TSPAN2: variants seen among roughly 807,000 people sequenced by gnomAD.
TSPAN2 encodes tetraspanin 2, also known as tetraspanin-2.
A neutral mutation model predicts 33.3 loss-of-function variants in TSPAN2; 24 were observed. The observed-to-expected ratio is 0.72, with a 90% CI of 0.52 to 1.01. The LOEUF is 1.01. Ranked by LOEUF, TSPAN2 falls within the 50% of genes least tolerant of loss-of-function variation. The probability of loss-of-function intolerance (pLI) is 0.00; values close to 1 mark genes in which losing one functional copy is unlikely to be tolerated. For missense variants in TSPAN2, 278 were observed against 281.3 expected, an observed-to-expected ratio of 0.99 and a Z score of 0.08; for synonymous variants, 114 against 104.5, an observed-to-expected ratio of 1.09 and a Z score of -0.56.
At chr1:115,089,257 C>G (rs961211592) in intron 1 of TSPAN2, 107 bp downstream of exon 1, 1 of 973,436 alleles carries the variant, frequency 1.0e-6, no homozygotes, top group Middle Eastern at 3.0e-4. Flanking sequence ...ACCCAGCCCT[C>G]CCCACGAGCG....
At chr1:115,082,302 G>A (rs776880593) in intron 1 of TSPAN2, among the ~76,000 whole-genome samples, 1 of 152,206 alleles carries the variant, frequency 6.6e-6, no homozygotes, top group Non-Finnish European at 1.5e-5. Context: ...CTTCCTCTCC[G>A]ATAGTCTGTA....
In TSPAN2 at chr1:115,050,043, C is replaced by A. The variant is rs1246585529; in HGVS notation, c.*447G>T. 1 of 226,270 alleles carries A rather than the reference C, an allele frequency of 4.4e-6. No homozygotes were observed. The highest frequency in any genetic ancestry group is 8.8e-6 in the Non-Finnish European group (1 of 114,268). 14.0% of individuals were successfully genotyped at this position (226,270 alleles called of 1,614,324 possible). A position where few individuals can be genotyped will look rare whatever the true frequency, so the allele number is the denominator to read the frequency against. ...ATCTCTCAATTCTTACAGCTTATTA[C>A]TTCCATTAAGAAGAAATCTCTGAAT... On this transcript the variant is annotated 3_prime_UTR_variant, in exon 8 of 8. Coordinates refer to ENST00000369516, the MANE Select transcript of TSPAN2 (RefSeq NM_005725.6).
At chr1:115,060,053 T>G (rs1482559052) in intron 4 of TSPAN2, among the ~76,000 whole-genome samples, 1 of 152,140 alleles carries the variant, frequency 6.6e-6, no homozygotes, top group Non-Finnish European at 1.5e-5. Context: ...CAGTGTAGGC[T>G]CTGCTCTTTG....
chr1:115,050,297 G>A lies in TSPAN2; in HGVS notation c.*193C>T. On this transcript the variant is annotated 3_prime_UTR_variant, in exon 8 of 8. Transcript: ENST00000369516. ...CAGATCACACATGAATATGCTCTCA[G>A]TCATCATAAACAGGCATTCACTCAA... 1 of 632,362 alleles carries A rather than the reference G, an allele frequency of 1.6e-6. No individual in the cohort carries two copies. Among genetic ancestry groups the A allele is most frequent in the Non-Finnish European group, 2.8e-6 (1 of 355,486 alleles). 39.2% of individuals were successfully genotyped at this position (632,362 alleles called of 1,614,324 possible). A position where few individuals can be genotyped will look rare whatever the true frequency, so the allele number is the denominator to read the frequency against.
rs749902293 is a variant in TSPAN2, at chr1:115,057,567, A to G, written c.486T>C (p.Pro162=). The G allele has an allele frequency of 1.2e-6, 2 of 1,614,018 alleles. No homozygotes were observed. The highest frequency in any genetic ancestry group is 1.1e-5 in the South Asian group (1 of 91,080). The change falls in exon 6 of 8, where the codon CCT becomes CCC. Residue 162 remains proline (P), a synonymous_variant. Coordinates refer to ENST00000369516, the MANE Select transcript of TSPAN2 (RefSeq NM_005725.6). ...GTCCTAGAAGCTCCTTTGGGCATGT[A>G]GGTTGGACCTGTTCGGAGCTTTCTT... The part of the protein sequence containing the change: ...CGKESSEQVQ[P]TCPKELLGHK...
At chr1:115,084,909 A>G (rs1648774550) in intron 1 of TSPAN2, among the ~76,000 whole-genome samples, 3 of 152,344 alleles carry the variant, frequency 2.0e-5, no homozygotes, top group Admixed American at 1.3e-4. Context: ...GGGCAACTTC[A>G]GACTTGCCAT....
intron 6 of TSPAN2, 123 bp downstream of exon 6, chr1:115,057,414 T>G: frequency 1.1e-6 from 1 of 917,726 alleles, no homozygotes; most frequent in Non-Finnish European, 1.8e-6. Context: ...CCATCAATCC[T>G]CTATGCTGCC....
At position 115,061,309 on chromosome 1, in the gene TSPAN2, C is replaced by G. The variant is rs561535439; in HGVS notation, c.271-771G>C. On this transcript the variant is annotated intron_variant, in intron 3 of 7. Transcript: ENST00000369516. Reference sequence around the variant, plus strand: ...GTGGAGAAATATCAACACTTTCTCTCCTCCTGCCCCTCTTCTTCCTTTCTG... The same window carrying G: ...GTGGAGAAATATCAACACTTTCTCTGCTCCTGCCCCTCTTCTTCCTTTCTG... Among the ~76,000 whole-genome samples, 365 of 152,360 alleles carry G rather than the reference C, an allele frequency of 2.4e-3. 4 individuals are homozygous for G. The highest frequency in any genetic ancestry group is 8.1e-3 in the African/African-American group (337 of 41,580).
At chr1:115,060,043 C>T (rs1430710362) in intron 4 of TSPAN2, among the ~76,000 whole-genome samples, 1 of 152,172 alleles carries the variant, frequency 6.6e-6, no homozygotes, top group Non-Finnish European at 1.5e-5. Context: ...TAGCCCACAG[C>T]AGTGTAGGCT....
intron 1 of TSPAN2, among the ~76,000 whole-genome samples, chr1:115,083,217 G>A (rs1274205219): frequency 6.6e-6 from 1 of 152,138 alleles, no homozygotes; most frequent in Non-Finnish European, 1.5e-5. Flanking sequence ...GAGCAGCTTC[G>A]CGATATTAAC....
In TSPAN2 at chr1:115,050,178, TGGGAGCG is replaced by T; in HGVS notation, c.*305_*311del. 1 of 283,284 alleles carries T rather than the reference TGGGAGCG, an allele frequency of 3.5e-6. No individual in the cohort carries two copies. The allele number at this position is 283,284 out of a possible 1,614,324, so 17.5% of individuals were successfully genotyped here. ...TGAAAGCTCTTTGATCTTTTTTTTC[TGGGAGCG>T]AAATAGGTTGTTCTTCTTATATAAC... On this transcript the variant is annotated 3_prime_UTR_variant, in exon 8 of 8. Transcript: ENST00000369516.
At chr1:115,060,870 C>T (rs1647690200) in intron 3 of TSPAN2, among the ~76,000 whole-genome samples, 1 of 152,130 alleles carries the variant, frequency 6.6e-6, no homozygotes, top group Non-Finnish European at 1.5e-5. Flanking sequence ...CCTAGAACAC[C>T]ACCTGGCACC....
intron 1 of TSPAN2, among the ~76,000 whole-genome samples, chr1:115,084,112 C>T (rs1307067199): frequency 6.6e-6 from 1 of 152,208 alleles, no homozygotes; most frequent in African/African-American, 2.4e-5. Flanking sequence ...TTTGTTGTGA[C>T]TTTATGAACC....
intron 3 of TSPAN2, 143 bp downstream of exon 3, chr1:115,061,992 A>G (rs1647744510): frequency 1.5e-6 from 1 of 679,416 alleles, no homozygotes; most frequent in Non-Finnish European, 2.5e-6. Context: ...TGGAGAAACC[A>G]AGACTGAGGG....
In TSPAN2 at chr1:115,072,933, C is replaced by G; in HGVS notation, c.144G>C (p.Glu48Asp). 1 of 1,614,170 alleles carries G rather than the reference C, an allele frequency of 6.2e-7. No homozygotes were observed. The highest frequency in any genetic ancestry group is 8.5e-7 in the Non-Finnish European group (1 of 1,180,014). ...FGGAIKELSSEDKSPEYFYVG... is the reference protein window; with the variant it reads ...FGGAIKELSSDDKSPEYFYVG... ...CATAGAAATACTCTGGGGACTTGTC[C>G]TCTGATGATAACTCCTTTATGGCAC... Residue 48 changes from glutamate (E) to aspartate (D), a missense_variant, in exon 2 of 8, where the codon GAG (glutamate) becomes GAC (aspartate). Glu to Asp is a conservative substitution (Grantham distance 45, BLOSUM62 2). Transcript: ENST00000369516.
At chr1:115,053,500 T>G in intron 6 of TSPAN2, 38 bp from the exon 7 acceptor site, 2 of 1,538,670 alleles carry the variant, frequency 1.3e-6, no homozygotes, top group Admixed American at 1.7e-5. Flanking sequence ...AAAAACTGAT[T>G]GTATGTGTCA....
intron 6 of TSPAN2, among the ~76,000 whole-genome samples, chr1:115,054,379 G>A (rs529914325): frequency 9.7e-4 from 148 of 152,266 alleles, no homozygotes; most frequent in Non-Finnish European, 1.7e-3. Context: ...CTGGAAGAGG[G>A]GTGGTAGATG....
chr1:115,088,918 C>T (rs1046768966), intron 1 of TSPAN2, among the ~76,000 whole-genome samples: 6 of 152,162 alleles, frequency 3.9e-5, no homozygotes, highest in African/African-American at 1.2e-4. Flanking sequence ...CCCCAGGCAG[C>T]CCCAGGGCAG....
intron 2 of TSPAN2, among the ~76,000 whole-genome samples, chr1:115,070,035 C>T (rs1223687065): frequency 6.6e-6 from 1 of 152,128 alleles, no homozygotes; most frequent in East Asian, 1.9e-4. Flanking sequence ...GGTTATCAGC[C>T]CTTTGTTTCT....
Sources: gnomAD v4.1 joint callset for allele counts (sites outside exome capture counted in the v4.1 genomes callset) on GRCh38, gnomAD v4.1.1 for gene constraint, MANE v1.5 for transcripts, NCBI Gene and HGNC (gene_info 2026-07-23, HGNC 2026-07-21) for gene names.